The following MRC1 variants were observed in gnomAD, a reference collection of about 807,000 sequenced individuals.
The protein encoded by MRC1 is macrophage mannose receptor 1.
MRC1 carries 62 observed loss-of-function variants against 102.9 expected under a neutral mutation model. That is an observed-to-expected ratio of 0.60 (90% CI 0.49 to 0.74). The LOEUF is 0.74. Among genes scored for constraint, MRC1 ranks in the 30% least tolerant of loss-of-function variants. The pLI, the probability that MRC1 is intolerant of heterozygous loss-of-function variation, is 0.00. For missense variants in MRC1, 1,237 were observed against 862.8 expected (o/e 1.43, Z -5.43); for synonymous variants, 457 against 298.4 (o/e 1.53, Z -5.48).
Position 17,845,453 on chromosome 10 carries a change from T to A in MRC1, c.1063+18T>A. 1.3e-6 allele frequency: 1 copy of A among 780,828 alleles called. No homozygotes were observed. Among genetic ancestry groups the A allele is most frequent in the Non-Finnish European group, 2.4e-6 (1 of 417,940 alleles). 48.4% of individuals were successfully genotyped at this position (780,828 alleles called of 1,614,324 possible). A position where few individuals can be genotyped will look rare whatever the true frequency, so the allele number is the denominator to read the frequency against. The stretch of plus-strand genomic sequence containing the variant: ...TCCCTCAGGTAAGTGATCTATGGGA[T>A]CTGAAGTGCCTCAACTATTAGAATT... On this transcript the variant is annotated intron_variant, in intron 6 of 29. Transcript: ENST00000569591.
intron 28 of MRC1, 42 bp downstream of exon 28, chr10:17,907,740 C>A: frequency 1.3e-6 from 1 of 779,352 alleles, no homozygotes; most frequent in South Asian, 1.3e-5. Flanking sequence ...CACTGGCTGC[C>A]ATTTCTTTCA....
chr10:17,822,071 C>T (rs1049852142), intron 1 of MRC1, among the ~76,000 whole-genome samples: 4 of 152,068 alleles, frequency 2.6e-5, no homozygotes, highest in Admixed American at 2.0e-4. Context: ...TTACCAGATC[C>T]TTTTTTCCTC....
At chr10:17,813,429 C>G (rs1838254918) in intron 1 of MRC1, among the ~76,000 whole-genome samples, 2 of 152,072 alleles carry the variant, frequency 1.3e-5, no homozygotes, top group African/African-American at 4.8e-5. Flanking sequence ...TTTTCACAAG[C>G]ACTCTTGAAA....
intron 7 of MRC1, among the ~76,000 whole-genome samples, chr10:17,852,206 C>A (rs1358538086): frequency 5.3e-5 from 8 of 152,114 alleles, no homozygotes; most frequent in Admixed American, 4.6e-4. Flanking sequence ...ATAATGTTCT[C>A]CATAGAATTT....
In MRC1 at chr10:17,823,437, A is replaced by G. The variant is rs1554838435; in HGVS notation, c.425A>G (p.Tyr142Cys). ...GGTTTATGGAGCAGGTGGAAGATCT[A>G]TGGAACCACAGACAATCTGTGCTCC... The part of the protein sequence containing the change: ...GSGLWSRWKI[Y>C]GTTDNLCSRG... The change falls in exon 2 of 30, where the codon TAT becomes TGT. Residue 142 changes from tyrosine to cysteine, a missense_variant. Transcript: ENST00000569591. 3 of 780,882 alleles carry G rather than the reference A, an allele frequency of 3.8e-6. No homozygotes were observed. The highest frequency in any genetic ancestry group is 4.8e-5 in the East Asian group (2 of 41,256). The allele number at this position is 780,882 out of a possible 1,614,324, so 48.4% of individuals were successfully genotyped here.
intron 21 of MRC1, among the ~76,000 whole-genome samples, chr10:17,884,926 CG>C (rs1216280030): frequency 5.3e-5 from 8 of 152,168 alleles, no homozygotes; most frequent in African/African-American, 1.9e-4. Context: ...CTAATCCATA[CG>C]GTGACTTTTT....
chr10:17,886,366 C>T (rs912513136), intron 22 of MRC1, among the ~76,000 whole-genome samples: 4 of 151,412 alleles, frequency 2.6e-5, no homozygotes, highest in African/African-American at 9.7e-5. Flanking sequence ...CTCTCCCTCT[C>T]CCTCTCCCTC....
chr10:17,885,208 T>C (rs886233025), intron 21 of MRC1, 61 bp from the exon 22 acceptor site: 2 of 778,400 alleles, frequency 2.6e-6, no homozygotes, highest in Non-Finnish European at 4.8e-6. Flanking sequence ...TTTTGAATAT[T>C]TTCCATATTT....
In MRC1 at chr10:17,906,903, A is replaced by T. The variant is rs1275127706; in HGVS notation, c.3817A>T (p.Ile1273Phe). Residue 1273 changes from isoleucine to phenylalanine, a missense_variant, in exon 27 of 30, where the codon ATT (isoleucine) becomes TTT (phenylalanine). Physicochemically the swap from Ile to Phe is conservative, Grantham distance 21. Transcript: ENST00000569591. The part of the protein sequence containing the change: ...CLRMGSSLVS[I>F]ESAAESSFLS... ...CTTTCTAGGTTCCTCTCTGGTTTCC[A>T]TTGAAAGTGCTGCAGAATCCAGTTT... 2 of 795,936 alleles carry T rather than the reference A, an allele frequency of 2.5e-6. No homozygotes were observed. Among genetic ancestry groups the T allele is most frequent in the Non-Finnish European group, 4.6e-6 (2 of 432,038 alleles). The allele number at this position is 795,936 out of a possible 1,614,324, so 49.3% of individuals were successfully genotyped here. A position where few individuals can be genotyped will look rare whatever the true frequency, so the allele number is the denominator to read the frequency against.
chr10:17,883,751 A>T (rs1011210791), intron 21 of MRC1, among the ~76,000 whole-genome samples: 314 of 152,292 alleles, frequency 2.1e-3, no homozygotes, highest in African/African-American at 7.3e-3. Context: ...TAGAGTAGGT[A>T]CTTGTTGGTC....
intron 9 of MRC1, among the ~76,000 whole-genome samples, 160 bp downstream of exon 9, chr10:17,856,512 C>G (rs1420921834): frequency 6.6e-6 from 1 of 152,112 alleles, no homozygotes; most frequent in Non-Finnish European, 1.5e-5. Flanking sequence ...TCACTGTTCT[C>G]CTTAAAGTTT....
intron 6 of MRC1, among the ~76,000 whole-genome samples, chr10:17,845,808 A>G (rs1190507284): frequency 6.6e-6 from 1 of 152,232 alleles, no homozygotes; most frequent in Non-Finnish European, 1.5e-5. Flanking sequence ...GGATGTTTAT[A>G]TTAGGTCCTC....
intron 23 of MRC1, 82 bp downstream of exon 23, chr10:17,894,394 C>CTTTTTTTTTTTCTTTT: frequency 2.5e-6 from 1 of 404,404 alleles, no homozygotes. Context: ...TTCTTTCTTT[C>CTTTTTTTTTTTCTTTT]TTTTTTTTTT....
intron 5 of MRC1, chr10:17,845,009 T>C (rs1838804225): frequency 1.5e-6 from 1 of 670,980 alleles, no homozygotes; most frequent in East Asian, 3.0e-5. Flanking sequence ...TTTTAAGGTG[T>C]AGCTTTATTA....
chr10:17,825,031 C>T (rs1262727868), intron 2 of MRC1, among the ~76,000 whole-genome samples: 1 of 151,918 alleles, frequency 6.6e-6, no homozygotes, highest in South Asian at 2.1e-4. Context: ...TATGAAGACC[C>T]GGGTGATTCT....
At chr10:17,835,100 G>T (rs1838643218) in intron 4 of MRC1, among the ~76,000 whole-genome samples, 1 of 152,184 alleles carries the variant, frequency 6.6e-6, no homozygotes, top group East Asian at 1.9e-4. Flanking sequence ...CAAAAGAAAA[G>T]TCAGTCTTGG....
chr10:17,878,077 C>T, intron 18 of MRC1, 110 bp downstream of exon 18: 1 of 706,742 alleles, frequency 1.4e-6, no homozygotes, highest in Non-Finnish European at 2.5e-6. Flanking sequence ...AATCCTACAG[C>T]ATTCTCAATT....
intron 29 of MRC1, 40 bp downstream of exon 29, chr10:17,909,387 A>G: frequency 2.4e-6 from 2 of 840,728 alleles, no homozygotes; most frequent in Non-Finnish European, 4.2e-6. Context: ...TGTTAGTAAT[A>G]CATCCGTACT....
At chr10:17,809,631 G>C (rs1351151491) in intron 1 of MRC1, 105 bp downstream of exon 1, 5 of 818,436 alleles carry the variant, frequency 6.1e-6, no homozygotes, top group Non-Finnish European at 8.8e-6. Context: ...TTTGTGAGGA[G>C]GAAACGGGGT....
Sources: gnomAD v4.1 joint callset for allele counts (sites outside exome capture counted in the v4.1 genomes callset) on GRCh38, gnomAD v4.1.1 for gene constraint, MANE v1.5 for transcripts, NCBI Gene and HGNC (gene_info 2026-07-23, HGNC 2026-07-21) for gene names.